The following IMMP2L variants were observed in gnomAD, a reference collection of about 807,000 sequenced individuals.
IMMP2L encodes the protein mitochondrial inner membrane protease subunit 2.
Under a neutral mutation model 19.3 loss-of-function variants are expected in IMMP2L, and 18 were observed. The ratio of observed to expected loss-of-function variants is 0.93; its 90% CI spans 0.64 to 1.38. IMMP2L has a LOEUF of 1.38. Among genes scored for constraint, IMMP2L ranks in the 40% most tolerant of loss-of-function variants. The pLI is 0.00. For missense variants in IMMP2L, 233 were observed against 218.2 expected (o/e 1.07, Z -0.43); for synonymous variants, 76 against 73.0 (o/e 1.04, Z -0.21).
intron 3 of IMMP2L, among the ~76,000 whole-genome samples, chr7:111,391,139 T>C (rs1832315457): frequency 2.6e-5 from 4 of 152,118 alleles, no homozygotes. Context: ...TGCTAATATG[T>C]AAACGAAAGA....
intron 5 of IMMP2L, among the ~76,000 whole-genome samples, chr7:110,825,144 T>G (rs1803355841): frequency 6.6e-6 from 1 of 152,078 alleles, no homozygotes; most frequent in African/African-American, 2.4e-5. Flanking sequence ...GTGAAGGACC[T>G]CCTCAAGGAG....
chr7:110,908,295 G>A (rs890466575), intron 4 of IMMP2L, among the ~76,000 whole-genome samples: 5 of 152,016 alleles, frequency 3.3e-5, no homozygotes, highest in African/African-American at 9.7e-5. Flanking sequence ...ACTAAACCAC[G>A]CAGGTACACT....
intron 3 of IMMP2L, among the ~76,000 whole-genome samples, chr7:111,000,459 A>AAT (rs1394274475): frequency 1.3e-5 from 2 of 152,184 alleles, no homozygotes; most frequent in East Asian, 3.8e-4. Flanking sequence ...ATAAGGTGAT[A>AAT]ATATATTTGG....
intron 3 of IMMP2L, among the ~76,000 whole-genome samples, chr7:111,299,094 T>C (rs1821935793): frequency 6.6e-6 from 1 of 152,004 alleles, no homozygotes; most frequent in Non-Finnish European, 1.5e-5. Flanking sequence ...GAACCATAAA[T>C]AACTGGTGTA....
rs1352438946 is a variant in IMMP2L at position 110,781,619 on chromosome 7, T to C, written c.408+104974A>G. Among the ~76,000 whole-genome samples the C allele has an allele frequency of 2.0e-5, 3 of 151,812 alleles. No individual in the cohort carries two copies. In the East Asian group the frequency reaches 5.8e-4, roughly 30 times the overall value. On this transcript the variant is annotated intron_variant, in intron 5 of 5. Coordinates refer to ENST00000405709, the MANE Select transcript of IMMP2L (RefSeq NM_032549.4). ...AATATGCTTCCAAAATGGACTAAAA[T>C]ATTCATTTTCCTACGTTCAGATATA...
chr7:111,205,702 T>C (rs1026847654), intron 3 of IMMP2L, among the ~76,000 whole-genome samples: 4 of 152,154 alleles, frequency 2.6e-5, no homozygotes, highest in African/African-American at 9.7e-5. Flanking sequence ...GATTAAATTA[T>C]GAACTATAGG....
chr7:111,121,910 G>C (rs1041562124), intron 3 of IMMP2L, among the ~76,000 whole-genome samples: 2 of 152,116 alleles, frequency 1.3e-5, no homozygotes, highest in African/African-American at 4.8e-5. Flanking sequence ...AAAAAATGAT[G>C]AGTTCATGTC....
rs186357433 is a variant in IMMP2L, at chr7:111,344,053, C to A, written c.239+143185G>T. Among the ~76,000 whole-genome samples the A allele has an allele frequency of 1.2e-3, 184 of 152,192 alleles. 1 individual carries two copies. Among genetic ancestry groups the A allele is most frequent in the African/African-American group, 4.3e-3 (177 of 41,554 alleles). ...TTTCTATACTCACAGTAATCCACTT[C>A]CCCTCTCTTAGACCTCTAAATGCAT... On this transcript the variant is annotated intron_variant, in intron 3 of 5. Transcript: ENST00000405709.
At chr7:111,555,797 T>C (rs2133142283) in intron 1 of IMMP2L, among the ~76,000 whole-genome samples, 1 of 151,866 alleles carries the variant, frequency 6.6e-6, no homozygotes, top group East Asian at 1.9e-4. Flanking sequence ...TGTTGTCTTT[T>C]GTTGGACAGT....
intron 3 of IMMP2L, among the ~76,000 whole-genome samples, chr7:111,158,245 A>G (rs1445277818): frequency 6.6e-6 from 1 of 152,086 alleles, no homozygotes; most frequent in East Asian, 1.9e-4. Flanking sequence ...AATATTTTCA[A>G]CTCTTCAAAG....
chr7:110,794,744 G>A lies in IMMP2L; in HGVS notation c.408+91849C>T, dbSNP rs1051370336. ...GAAAGTGTAAGAATGTTTTGATTAT[G>A]AGATGAAGACCCCGTAGAATCATAC... On this transcript the variant is annotated intron_variant, in intron 5 of 5. Transcript: ENST00000405709. Among the ~76,000 whole-genome samples the A allele has an allele frequency of 3.9e-5, 6 of 152,024 alleles. No homozygotes were observed. In the South Asian group the frequency reaches 1.2e-3, roughly 32 times the overall value.
chr7:111,169,261 A>T (rs1806173424), intron 3 of IMMP2L, among the ~76,000 whole-genome samples: 1 of 151,828 alleles, frequency 6.6e-6, no homozygotes. Flanking sequence ...TTACCTCTTG[A>T]TCCCAATTCC....
intron 3 of IMMP2L, among the ~76,000 whole-genome samples, chr7:111,186,787 AG>A (rs1245367253): frequency 6.6e-6 from 1 of 152,094 alleles, no homozygotes; most frequent in Non-Finnish European, 1.5e-5. Flanking sequence ...ATAAAATCTA[AG>A]AATGAGTCTT....
intron 3 of IMMP2L, among the ~76,000 whole-genome samples, chr7:111,045,557 C>T (rs768171873): frequency 3.9e-5 from 6 of 152,132 alleles, no homozygotes; most frequent in Non-Finnish European, 8.8e-5. Flanking sequence ...AGACCTTGAC[C>T]ATCTCTCTAA....
intron 5 of IMMP2L, among the ~76,000 whole-genome samples, chr7:110,741,825 T>A (rs1044465613): frequency 2.0e-5 from 3 of 152,338 alleles, no homozygotes; most frequent in Admixed American, 6.5e-5. Flanking sequence ...ATAAAATGTT[T>A]ATATTGTCTT....
intron 3 of IMMP2L, among the ~76,000 whole-genome samples, chr7:111,029,007 T>G (rs181923606): frequency 6.6e-6 from 1 of 152,282 alleles, no homozygotes; most frequent in East Asian, 1.9e-4. Flanking sequence ...ACATAAAATA[T>G]CTATTAGCCT....
intron 3 of IMMP2L, among the ~76,000 whole-genome samples, chr7:111,463,862 A>G (rs1245812660): frequency 1.3e-5 from 2 of 152,198 alleles, no homozygotes; most frequent in African/African-American, 2.4e-5. Flanking sequence ...GGATAAGTCA[A>G]TTCTTTAGAG....
intron 3 of IMMP2L, among the ~76,000 whole-genome samples, chr7:111,351,552 C>A (rs1408618051): frequency 6.6e-6 from 1 of 152,114 alleles, no homozygotes; most frequent in Non-Finnish European, 1.5e-5. Context: ...GCTACAGGAG[C>A]AATTCATCAC....
chr7:111,161,988 A>T (rs1307504912), intron 3 of IMMP2L, among the ~76,000 whole-genome samples: 3 of 152,074 alleles, frequency 2.0e-5, no homozygotes, highest in Admixed American at 1.3e-4. Context: ...GTAATATGTG[A>T]GTATGTGTGA....
Sources: gnomAD v4.1 joint callset for allele counts (sites outside exome capture counted in the v4.1 genomes callset) on GRCh38, gnomAD v4.1.1 for gene constraint, MANE v1.5 for transcripts, NCBI Gene and HGNC (gene_info 2026-07-23, HGNC 2026-07-21) for gene names.